The following TAFA1 variants were observed in gnomAD, a reference collection of about 807,000 sequenced individuals.
TAFA1 encodes the protein chemokine-like protein TAFA-1.
In TAFA1, 4 loss-of-function variants were observed where a neutral mutation model predicts 18.5. The ratio of observed to expected loss-of-function variants is 0.22; its 90% CI spans 0.11 to 0.49. TAFA1 has a LOEUF of 0.49. TAFA1 is among the 20% of genes least tolerant of loss of function. The pLI, the probability that TAFA1 is intolerant of heterozygous loss-of-function variation, is 0.98. For missense variants in TAFA1, 147 were observed against 169.0 expected (o/e 0.87, Z 0.72); for synonymous variants, 56 against 55.2 (o/e 1.01, Z -0.06).
chr3:68,413,123 G>C (rs923011869), intron 2 of TAFA1, among the ~76,000 whole-genome samples: 1 of 152,098 alleles, frequency 6.6e-6, no homozygotes, highest in Admixed American at 6.6e-5. Context: ...TTCTCTGATG[G>C]CCAGTGATGA....
At chr3:68,219,268 G>C (rs2066701142) in intron 2 of TAFA1, among the ~76,000 whole-genome samples, 1 of 152,038 alleles carries the variant, frequency 6.6e-6, no homozygotes, top group Non-Finnish European at 1.5e-5. Flanking sequence ...CTTTTTAAAA[G>C]TATTTTAATT....
chr3:68,447,002 G>A (rs533632335), intron 3 of TAFA1, among the ~76,000 whole-genome samples: 5 of 152,190 alleles, frequency 3.3e-5, no homozygotes, highest in Non-Finnish European at 7.3e-5. Flanking sequence ...AACAGTGAAA[G>A]TTGGAGAATC....
At chr3:68,086,641 T>A (rs954197668) in intron 2 of TAFA1, among the ~76,000 whole-genome samples, 2 of 152,206 alleles carry the variant, frequency 1.3e-5, no homozygotes, top group Non-Finnish European at 2.9e-5. Flanking sequence ...ATAATGAGAA[T>A]GAGGGGAAAG....
intron 3 of TAFA1, among the ~76,000 whole-genome samples, chr3:68,463,312 C>A (rs535551666): frequency 2.0e-5 from 3 of 152,078 alleles, no homozygotes; most frequent in Admixed American, 2.0e-4. Context: ...AGTTATTTAG[C>A]GAGCATCTAT....
At chr3:68,299,571 C>A (rs2068268976) in intron 2 of TAFA1, among the ~76,000 whole-genome samples, 1 of 152,182 alleles carries the variant, frequency 6.6e-6, no homozygotes, top group African/African-American at 2.4e-5. Flanking sequence ...AAGCTGGCTG[C>A]AGAAATTTGC....
intron 3 of TAFA1, among the ~76,000 whole-genome samples, chr3:68,434,449 A>T (rs574767038): frequency 9.2e-5 from 14 of 152,200 alleles, no homozygotes; most frequent in African/African-American, 3.1e-4. Flanking sequence ...ACCTTATTAG[A>T]TACCATACCT....
At chr3:68,406,706 A>T (rs919983020) in intron 2 of TAFA1, among the ~76,000 whole-genome samples, 3 of 152,240 alleles carry the variant, frequency 2.0e-5, no homozygotes, top group Admixed American at 2.0e-4. Flanking sequence ...TATTTTAACA[A>T]AAATTTGAAG....
intron 3 of TAFA1, among the ~76,000 whole-genome samples, chr3:68,421,820 A>T (rs1438014345): frequency 6.6e-6 from 1 of 152,140 alleles, no homozygotes; most frequent in East Asian, 1.9e-4. Flanking sequence ...GATAATGCTT[A>T]GAGAGAAACT....
chr3:68,110,651 A>C lies in TAFA1; in HGVS notation c.118+103907A>C, dbSNP rs143850539. ...GGACAATATTTAGGTCACACAATGC[A>C]GATTGAGAGCCATCATGCATTAAGA... On this transcript the variant is annotated intron_variant, in intron 2 of 4. Transcript: ENST00000478136. Among the ~76,000 whole-genome samples the C allele has an allele frequency of 7.2e-4, 110 of 152,286 alleles. 2 individuals carry two copies. The East Asian group carries it at 0.014, about 19-fold the overall frequency.
At position 68,370,468 on chromosome 3, in the gene TAFA1, G is replaced by GTGTATATATATATATATATA. The variant is rs2069674152; in HGVS notation, c.119-46809_119-46808insATATATATATATATATATGT. On this transcript the variant is annotated intron_variant, in intron 2 of 4. Coordinates refer to ENST00000478136, the MANE Select transcript of TAFA1 (RefSeq NM_213609.4). ...TATGTATATATATGTGTGTGTGTGTGTGTGTATATATATATATATATATAT... is the reference window on the plus strand; with the variant it reads ...TATGTATATATATGTGTGTGTGTGTGTGTATATATATATATATATATGTGTATATATATATATATATATAT... Among the ~76,000 whole-genome samples the GTGTATATATATATATATATA allele has an allele frequency of 4.8e-4, 8 of 16,624 alleles. 1 individual carries two copies. In the East Asian group the frequency reaches 0.019, roughly 39 times the overall value. The allele number at this position is 16,624 out of a possible 152,430, so 10.9% of individuals were successfully genotyped here.
At chr3:68,001,090 A>G (rs1261226241), upstream of TAFA1, among the ~76,000 whole-genome samples, 2 of 152,192 alleles carry the variant, frequency 1.3e-5, no homozygotes, top group African/African-American at 4.8e-5. Context: ...CAAAAAAAAG[A>G]GACTACTTTG....
At chr3:68,310,745 G>T (rs1267033786) in intron 2 of TAFA1, among the ~76,000 whole-genome samples, 1 of 152,116 alleles carries the variant, frequency 6.6e-6, no homozygotes, top group Non-Finnish European at 1.5e-5. Context: ...TATTTGAAAT[G>T]AGTCTAATAT....
At chr3:68,482,581 G>C (rs892195971) in intron 3 of TAFA1, among the ~76,000 whole-genome samples, 2 of 152,322 alleles carry the variant, frequency 1.3e-5, no homozygotes, top group African/African-American at 4.8e-5. Context: ...GTATCCATGA[G>C]TTTTGCCACA....
intron 3 of TAFA1, among the ~76,000 whole-genome samples, chr3:68,510,853 A>G (rs562028850): frequency 6.6e-6 from 1 of 152,304 alleles, no homozygotes; most frequent in East Asian, 1.9e-4. Flanking sequence ...GTTCTGCAAA[A>G]AAATGTAACA....
At chr3:68,075,173 A>T (rs982036270) in intron 2 of TAFA1, among the ~76,000 whole-genome samples, 1 of 152,242 alleles carries the variant, frequency 6.6e-6, no homozygotes, top group Non-Finnish European at 1.5e-5. Flanking sequence ...CCTACTTTGT[A>T]CAGGTGGCAT....
intron 2 of TAFA1, among the ~76,000 whole-genome samples, chr3:68,345,834 G>T (rs968340467): frequency 1.4e-4 from 22 of 152,146 alleles, no homozygotes; most frequent in African/African-American, 5.1e-4. Flanking sequence ...GATAGGAAAG[G>T]GTGGATGAAA....
intron 2 of TAFA1, among the ~76,000 whole-genome samples, chr3:68,211,723 G>A (rs1250092709): frequency 6.6e-6 from 1 of 152,066 alleles, no homozygotes; most frequent in Non-Finnish European, 1.5e-5. Context: ...CATGGCAGAA[G>A]GTGAAGGGAG....
intron 3 of TAFA1, among the ~76,000 whole-genome samples, chr3:68,495,268 A>C (rs13061264): frequency 0.21 from 31,428 of 152,128 alleles, 3,413 homozygotes; most frequent in African/African-American, 0.25. Context: ...TAATTTAATT[A>C]AATATTATAT....
At chr3:68,314,272 G>A (rs182956643) in intron 2 of TAFA1, among the ~76,000 whole-genome samples, 8 of 152,226 alleles carry the variant, frequency 5.3e-5, no homozygotes, top group South Asian at 2.1e-4. Context: ...AATTAAATTC[G>A]TATTGGAACA....
Sources: gnomAD v4.1 joint callset for allele counts (sites outside exome capture counted in the v4.1 genomes callset) on GRCh38, gnomAD v4.1.1 for gene constraint, MANE v1.5 for transcripts, NCBI Gene and HGNC (gene_info 2026-07-23, HGNC 2026-07-21) for gene names.